Variants in ZNF417 observed in about 807,000 individuals in gnomAD.
ZNF417 encodes zinc finger protein 417.
In ZNF417, 5 loss-of-function variants were observed where a neutral mutation model predicts 7.4. The ratio of observed to expected loss-of-function variants is 0.68; its 90% CI spans 0.35 to 1.43. The LOEUF is 1.43. Ranked by LOEUF, ZNF417 falls within the 40% of genes most tolerant of loss-of-function variation. The pLI, the probability that ZNF417 is intolerant of heterozygous loss-of-function variation, is 0.04. For missense variants in ZNF417, 437 were observed against 697.3 expected (o/e 0.63, Z 4.20); for synonymous variants, 147 against 239.1 (o/e 0.61, Z 3.55).
At position 57,905,927 on chromosome 19, in the gene ZNF417, C is replaced by T. The variant is rs775062640; in HGVS notation, c.*2623G>A. Among the ~76,000 whole-genome samples, 16 of 152,088 alleles carry T rather than the reference C, an allele frequency of 1.1e-4. No individual in the cohort carries two copies. Among genetic ancestry groups the T allele is most frequent in the African/African-American group, 2.4e-5 (1 of 41,402 alleles). ...CTGCAGAGACTAAAATTGCTTAGTACTGAAAGTTTTGCCTATATAAACTGT... is the reference window on the plus strand; with the variant it reads ...CTGCAGAGACTAAAATTGCTTAGTATTGAAAGTTTTGCCTATATAAACTGT... On this transcript the variant is annotated 3_prime_UTR_variant, in exon 3 of 3. Coordinates refer to ENST00000312026, the MANE Select transcript of ZNF417 (RefSeq NM_152475.3).
chr19:57,915,684 T>C (rs565646936), intron 1 of ZNF417: 113 of 395,876 alleles, frequency 2.9e-4, no homozygotes, highest in African/African-American at 1.1e-3. Flanking sequence ...AAATTGATAA[T>C]AGCCCTTTCC....
intron 1 of ZNF417, chr19:57,915,464 C>T: frequency 2.1e-6 from 1 of 487,334 alleles, no homozygotes; most frequent in Non-Finnish European, 3.8e-6. Context: ...CCTCCCTGTG[C>T]TTGTTGCTCT....
At chr19:57,915,772 C>T in intron 1 of ZNF417, 1 of 410,706 alleles carries the variant, frequency 2.4e-6, no homozygotes, top group Admixed American at 4.3e-5. Flanking sequence ...TAGAAATTAC[C>T]GTTTAGGGGT....
chr19:57,909,212 C>T lies in ZNF417; in HGVS notation c.1066G>A (p.Glu356Lys), dbSNP rs750371309. The T allele has an allele frequency of 2.5e-6, 4 of 1,614,056 alleles. No individual in the cohort carries two copies. In the South Asian group the frequency reaches 4.4e-5, roughly 18 times the overall value. ...TTCTGACGAAAAGATTTCCCACATT[C>T]CCCACAGTGATAAGCTCTCTCTCCA... ...HTGERAYHCG[E>K]CGKSFRQKFC... Residue 356 changes from glutamate (E) to lysine (K), a missense_variant, in exon 3 of 3, where the codon GAA becomes AAA. This residue lies in a region of ZNF417 where 53 missense variants were observed against 91.9 expected (regional missense o/e 0.58). Transcript: ENST00000312026.
chr19:57,915,785 T>C (rs767568485), intron 1 of ZNF417: 2 of 411,900 alleles, frequency 4.9e-6, no homozygotes, highest in Non-Finnish European at 8.5e-6. Context: ...TTAGGGGTCA[T>C]GCAGCTTCTG....
chr19:57,906,703 G>C lies in ZNF417; in HGVS notation c.*1847C>G, dbSNP rs1275379706. On this transcript the variant is annotated 3_prime_UTR_variant, in exon 3 of 3. Transcript: ENST00000312026. Reference sequence around the variant, plus strand: ...TTGAACCTGGGAGGCGGAGGTTGCAGTGAGCCGAGACCATGCCATTGCACT... The same window carrying C: ...TTGAACCTGGGAGGCGGAGGTTGCACTGAGCCGAGACCATGCCATTGCACT... 2 of 118,258 alleles carry C rather than the reference G, an allele frequency of 1.7e-5. No homozygotes were observed. Among genetic ancestry groups the C allele is most frequent in the Non-Finnish European group, 3.4e-5 (2 of 58,330 alleles). 7.3% of individuals were successfully genotyped at this position (118,258 alleles called of 1,614,324 possible).
chr19:57,914,859 T>C (rs201632736), intron 1 of ZNF417, among the ~76,000 whole-genome samples: 1 of 151,422 alleles, frequency 6.6e-6, no homozygotes, highest in Non-Finnish European at 1.5e-5. Flanking sequence ...CAGTATCCTG[T>C]CTTTAGAGAT....
Position 57,909,588 on chromosome 19 carries a change from G to T in ZNF417, c.690C>A (p.His230Gln), listed in dbSNP as rs748584871. The T allele has an allele frequency of 3.1e-6, 5 of 1,607,830 alleles. No individual in the cohort carries two copies. In the East Asian group the frequency reaches 1.1e-4, roughly 36 times the overall value. ...AFSTKHSVIPHQKLFTRDGCY... is the reference protein window; with the variant it reads ...AFSTKHSVIPQQKLFTRDGCY... ...ATCCATCTCTAGTGAAAAGTTTCTG[G>T]TGTGGAATAACTGAGTGTTTGGTGC... The change falls in exon 3 of 3, where the codon CAC (histidine) becomes CAA (glutamine). Residue 230 changes from histidine (H) to glutamine (Q), a missense_variant. His to Gln is a conservative substitution (Grantham distance 24). Coordinates refer to ENST00000312026, the MANE Select transcript of ZNF417 (RefSeq NM_152475.3).
chr19:57,910,175 C>G, intron 2 of ZNF417, 61 bp from the exon 3 acceptor site: 1 of 1,548,012 alleles, frequency 6.5e-7, no homozygotes, highest in African/African-American at 1.4e-5. Flanking sequence ...CACAGCCCAC[C>G]CACAAGTACG....
At position 57,906,553 on chromosome 19, in the gene ZNF417, A is replaced by G. The variant is rs865877695; in HGVS notation, c.*1997T>C. On this transcript the variant is annotated 3_prime_UTR_variant, in exon 3 of 3. Coordinates refer to ENST00000312026, the MANE Select transcript of ZNF417 (RefSeq NM_152475.3). ...TGAGGGGGGTGGATCATGAGGTCACAAGTTTGAGACCAGCCTGGCTAACGT... is the reference window on the plus strand; with the variant it reads ...TGAGGGGGGTGGATCATGAGGTCACGAGTTTGAGACCAGCCTGGCTAACGT... Among the ~76,000 whole-genome samples the G allele has an allele frequency of 1.2e-4, 18 of 151,754 alleles. No individual in the cohort carries two copies. The highest frequency in any genetic ancestry group is 2.1e-4 in the South Asian group (1 of 4,806).
intron 1 of ZNF417, among the ~76,000 whole-genome samples, chr19:57,914,899 A>G (rs1416045707): frequency 6.6e-6 from 1 of 152,166 alleles, no homozygotes; most frequent in Non-Finnish European, 1.5e-5. Context: ...AAAGGACTGA[A>G]AAAATGGCAC....
At chr19:57,913,508 T>C (rs569070462) in intron 1 of ZNF417, among the ~76,000 whole-genome samples, 1 of 152,284 alleles carries the variant, frequency 6.6e-6, no homozygotes, top group South Asian at 2.1e-4. Context: ...CTATCACAGA[T>C]GAGCATATTT....
At chr19:57,910,875 G>A (rs1017913675) in intron 2 of ZNF417, among the ~76,000 whole-genome samples, 1 of 151,952 alleles carries the variant, frequency 6.6e-6, no homozygotes, top group Non-Finnish European at 1.5e-5. Flanking sequence ...GAAACCCTGT[G>A]TCTACTAAAA....
rs1341682011 is a variant in ZNF417, at chr19:57,906,552, C to G, written c.*1998G>C. 9.2e-5 allele frequency among the ~76,000 whole-genome samples: 14 copies of G among 151,672 alleles called. No homozygotes were observed. Among genetic ancestry groups the G allele is most frequent in the South Asian group, 2.1e-4 (1 of 4,804 alleles). ...CTGAGGGGGGTGGATCATGAGGTCA[C>G]AAGTTTGAGACCAGCCTGGCTAACG... On this transcript the variant is annotated 3_prime_UTR_variant, in exon 3 of 3. Coordinates refer to ENST00000312026, the MANE Select transcript of ZNF417 (RefSeq NM_152475.3).
intron 2 of ZNF417, 31 bp downstream of exon 2, chr19:57,912,029 C>G: frequency 6.5e-7 from 1 of 1,542,906 alleles, no homozygotes; most frequent in East Asian, 2.3e-5. Flanking sequence ...AACACTAGCT[C>G]AGGTCACAAA....
Position 57,907,994 on chromosome 19 carries a change from C to T in ZNF417, c.*556G>A, listed in dbSNP as rs554787760. 6.2e-5 allele frequency: 10 copies of T among 161,446 alleles called. No homozygotes were observed. In the East Asian group the frequency reaches 1.1e-3, roughly 17 times the overall value. 10.0% of individuals were successfully genotyped at this position (161,446 alleles called of 1,614,324 possible). ...AGGTAATTGGAGCTCATGGCTATCC[C>T]AGAACTTGGATAACATAAAGTTCTT... On this transcript the variant is annotated 3_prime_UTR_variant, in exon 3 of 3. Coordinates refer to ENST00000312026, the MANE Select transcript of ZNF417 (RefSeq NM_152475.3).
rs1319874666 is a variant in ZNF417 at position 57,907,116 on chromosome 19, T to A, written c.*1434A>T. On this transcript the variant is annotated 3_prime_UTR_variant, in exon 3 of 3. Coordinates refer to ENST00000312026, the MANE Select transcript of ZNF417 (RefSeq NM_152475.3). ...AGCCACCCACCTCAGCCTCCCAAAG[T>A]GCTGGGATTACAGGCCTGAGCCAAA... The A allele has an allele frequency of 6.6e-6, 1 of 152,098 alleles. No individual in the cohort carries two copies. 9.4% of individuals were successfully genotyped at this position (152,098 alleles called of 1,614,324 possible).
intron 2 of ZNF417, among the ~76,000 whole-genome samples, chr19:57,910,708 T>C (rs2071892288): frequency 6.6e-6 from 1 of 151,844 alleles, no homozygotes; most frequent in Admixed American, 6.6e-5. Flanking sequence ...AAACACAAGT[T>C]GTGTACGGGA....
chr19:57,911,023 C>A (rs948069610), intron 2 of ZNF417, among the ~76,000 whole-genome samples: 4 of 152,096 alleles, frequency 2.6e-5, no homozygotes, highest in Non-Finnish European at 5.9e-5. Flanking sequence ...CCAGCTTGGG[C>A]AACAAGAGCG....
Sources: gnomAD v4.1 joint callset for allele counts (sites outside exome capture counted in the v4.1 genomes callset) on GRCh38, gnomAD v4.1.1 for gene constraint, gnomAD v4.1.1 regional missense constraint, MANE v1.5 for transcripts, NCBI Gene and HGNC (gene_info 2026-07-23, HGNC 2026-07-21) for gene names.